Variants in PRKG1 observed in about 807,000 individuals in gnomAD.
PRKG1 encodes the protein protein kinase cGMP-dependent 1, also known as cGMP-dependent protein kinase 1.
Under a neutral mutation model 88.1 loss-of-function variants are expected in PRKG1, and 35 were observed. The ratio of observed to expected loss-of-function variants is 0.40; its 90% confidence interval spans 0.30 to 0.53. The LOEUF (loss-of-function observed/expected upper bound fraction) is 0.53. Among genes scored for constraint, PRKG1 ranks in the 20% least tolerant of loss-of-function variants. The pLI is 0.59. For synonymous variants in PRKG1, 303 were observed against 292.5 expected, an observed-to-expected ratio of 1.04 and a Z score of -0.37; for missense variants, 540 against 839.8, an observed-to-expected ratio of 0.64 and a Z score of 4.41.
chr10:51,477,376 C>T (rs1469166193), intron 3 of PRKG1, among the ~76,000 whole-genome samples: 1 of 150,920 alleles, frequency 6.6e-6, no homozygotes, highest in African/African-American at 2.4e-5. Flanking sequence ...ATTCTCGACT[C>T]TCATGGATGG....
At chr10:52,042,431 C>T (rs1366476115) in intron 5 of PRKG1, among the ~76,000 whole-genome samples, 1 of 152,022 alleles carries the variant, frequency 6.6e-6, no homozygotes. Flanking sequence ...ATATCAACAG[C>T]CAACTGATTT....
intron 1 of PRKG1, among the ~76,000 whole-genome samples, chr10:51,093,735 A>G (rs1480226377): frequency 6.9e-6 from 1 of 145,454 alleles, no homozygotes; most frequent in Non-Finnish European, 1.5e-5. Flanking sequence ...TGTGTATTTT[A>G]TATATATATT....
At chr10:51,176,629 G>A (rs1296703177) in intron 2 of PRKG1, among the ~76,000 whole-genome samples, 6 of 152,090 alleles carry the variant, frequency 3.9e-5, no homozygotes, top group Non-Finnish European at 8.8e-5. Flanking sequence ...TAATAGAAAG[G>A]TTCTTGAGTT....
intron 2 of PRKG1, among the ~76,000 whole-genome samples, chr10:51,206,996 G>A (rs1302908067): frequency 6.6e-6 from 1 of 152,030 alleles, no homozygotes; most frequent in Non-Finnish European, 1.5e-5. Flanking sequence ...TTAAATTGTA[G>A]TTTGCAGTTT....
chr10:52,181,649 G>A (rs1288119981), intron 9 of PRKG1, among the ~76,000 whole-genome samples: 2 of 86,164 alleles, frequency 2.3e-5, no homozygotes, highest in Admixed American at 1.4e-4. Context: ...TGATCTCATT[G>A]TTCAATTCCC....
chr10:51,980,052 G>A (rs1843965935), intron 5 of PRKG1, among the ~76,000 whole-genome samples: 1 of 151,894 alleles, frequency 6.6e-6, no homozygotes, highest in African/African-American at 2.4e-5. Context: ...TGCTTCTCTA[G>A]TTCTTCTAGT....
chr10:52,120,462 G>A (rs1376543625), intron 7 of PRKG1, among the ~76,000 whole-genome samples: 2 of 152,102 alleles, frequency 1.3e-5, no homozygotes, highest in African/African-American at 4.8e-5. Flanking sequence ...TTCATTTTGA[G>A]ACAAATTCTC....
chr10:51,845,226 G>A (rs537994172), intron 4 of PRKG1, among the ~76,000 whole-genome samples: 2 of 152,178 alleles, frequency 1.3e-5, no homozygotes, highest in South Asian at 2.1e-4. Flanking sequence ...TGTTCTGCAT[G>A]TCTGGGATGG....
intron 7 of PRKG1, among the ~76,000 whole-genome samples, chr10:52,089,757 A>G (rs981296597): frequency 9.9e-5 from 15 of 150,784 alleles, no homozygotes; most frequent in African/African-American, 3.7e-4. Context: ...ACACCCTCAT[A>G]GCAACCAACC....
At chr10:51,356,374 T>G (rs976836061) in intron 2 of PRKG1, among the ~76,000 whole-genome samples, 3 of 152,030 alleles carry the variant, frequency 2.0e-5, no homozygotes, top group African/African-American at 7.2e-5. Context: ...GACAGAAAAG[T>G]CAGCTTACAT....
chr10:52,039,250 A>G (rs967451768), intron 5 of PRKG1, among the ~76,000 whole-genome samples: 1 of 151,638 alleles, frequency 6.6e-6, no homozygotes, highest in African/African-American at 2.4e-5. Context: ...ATTTTATAGG[A>G]TCTGGGTAGG....
chr10:51,833,001 T>C (rs1306250959), intron 4 of PRKG1, among the ~76,000 whole-genome samples: 2 of 152,126 alleles, frequency 1.3e-5, no homozygotes, highest in African/African-American at 2.4e-5. Flanking sequence ...GGGTTCACAA[T>C]TGAAAATAGA....
intron 5 of PRKG1, among the ~76,000 whole-genome samples, chr10:51,997,422 G>A (rs1301782035): frequency 6.9e-6 from 1 of 145,404 alleles, no homozygotes; most frequent in African/African-American, 2.6e-5. Context: ...AGTGAGCCGA[G>A]ATCGCACCAC....
At chr10:51,501,790 C>CTTTTTT (rs5784871) in intron 3 of PRKG1, among the ~76,000 whole-genome samples, 46 of 113,756 alleles carry the variant, frequency 4.0e-4, no homozygotes, top group East Asian at 2.2e-3. Flanking sequence ...ACTTTAGTTT[C>CTTTTTT]TTTTTTTTTT....
At chr10:51,659,988 C>G (rs1840254781) in intron 3 of PRKG1, among the ~76,000 whole-genome samples, 1 of 151,448 alleles carries the variant, frequency 6.6e-6, no homozygotes, top group South Asian at 2.1e-4. Flanking sequence ...TAATAAGGTC[C>G]CCAGATTATT....
At chr10:51,588,366 T>TA (rs5784875) in intron 3 of PRKG1, among the ~76,000 whole-genome samples, 140,373 of 152,080 alleles carry the variant, frequency 0.92, 64,888 homozygotes, top group East Asian at 1. Context: ...AATTTAAATA[T>TA]AAAAAGGCCT....
At chr10:51,391,229 A>G (rs772074728) in intron 2 of PRKG1, among the ~76,000 whole-genome samples, 8 of 152,228 alleles carry the variant, frequency 5.3e-5, no homozygotes, top group Non-Finnish European at 1.0e-4. Flanking sequence ...ACTAGAATGA[A>G]TGATTATAAA....
chr10:51,917,341 G>A (rs1032235480), intron 5 of PRKG1, among the ~76,000 whole-genome samples: 1 of 151,018 alleles, frequency 6.6e-6, no homozygotes, highest in Non-Finnish European at 1.5e-5. Context: ...AAAAAAGAGT[G>A]TGGATTTCTT....
intron 9 of PRKG1, among the ~76,000 whole-genome samples, chr10:52,193,259 G>A (rs1357932851): frequency 6.6e-6 from 1 of 151,956 alleles, no homozygotes; most frequent in Non-Finnish European, 1.5e-5. Context: ...TATTCTAAAT[G>A]TCGGGCCGGG....
Sources: gnomAD v4.1 joint callset for allele counts (sites outside exome capture counted in the v4.1 genomes callset) on GRCh38, gnomAD v4.1.1 for gene constraint, MANE v1.5 for transcripts, NCBI Gene and HGNC (gene_info 2026-07-23, HGNC 2026-07-21) for gene names.